EQTN: variants seen among roughly 807,000 people sequenced by gnomAD.
The protein encoded by EQTN is equatorin.
Under a neutral mutation model 26.9 loss-of-function variants are expected in EQTN, and 29 were observed. The ratio of observed to expected loss-of-function variants is 1.08; its 90% CI spans 0.80 to 1.47. The LOEUF is 1.47. Ranked by LOEUF, EQTN falls within the 40% of genes most tolerant of loss-of-function variation. The pLI is 0.00. For synonymous variants in EQTN, 129 were observed against 120.0 expected, an observed-to-expected ratio of 1.07 and a Z score of -0.49; for missense variants, 391 against 346.1, an observed-to-expected ratio of 1.13 and a Z score of -1.03.
chr9:27,289,180 G>C (rs1253703248), intron 6 of EQTN, among the ~76,000 whole-genome samples: 1 of 152,114 alleles, frequency 6.6e-6, no homozygotes, highest in Non-Finnish European at 1.5e-5. Flanking sequence ...TTTGAAAAAA[G>C]ACTGCATTCT....
At position 27,284,728 on chromosome 9, in the gene EQTN, G is replaced by A. The variant is rs1451407053; in HGVS notation, c.880C>T (p.Arg294Trp). Residue 294 changes from arginine to tryptophan, a missense_variant, in exon 8 of 8, where the codon CGG becomes TGG. Arg to Trp is a moderately radical substitution (Grantham distance 101). Transcript: ENST00000380032. The part of the protein sequence containing the change: ...EMHENDESVT[R>W] The stretch of plus-strand genomic sequence containing the variant: ...CACCGGGTTCCTTGATTTCTTCACC[G>A]GGTAACCGACTCATCGTTTTCATGC... 2 of 1,610,538 alleles carry A rather than the reference G, an allele frequency of 1.2e-6. No individual in the cohort carries two copies. The highest frequency in any genetic ancestry group is 1.7e-6 in the Non-Finnish European group (2 of 1,178,186).
rs145877779 is a variant in EQTN at position 27,290,781 on chromosome 9, A to G, written c.421+238T>C. 2.3e-3 allele frequency among the ~76,000 whole-genome samples: 358 copies of G among 152,370 alleles called. 3 individuals carry two copies. The highest frequency in any genetic ancestry group is 8.1e-3 in the African/African-American group (337 of 41,588). The stretch of plus-strand genomic sequence containing the variant: ...TCTTATTGAAAAATTTTAACCATAA[A>G]TAAATTGAATAACATTTAACATTTG... On this transcript the variant is annotated intron_variant, in intron 5 of 7. Coordinates refer to ENST00000380032, the MANE Select transcript of EQTN (RefSeq NM_020641.3).
At chr9:27,289,504 G>A (rs1233721178) in intron 6 of EQTN, among the ~76,000 whole-genome samples, 168 bp downstream of exon 6, 1 of 152,108 alleles carries the variant, frequency 6.6e-6, no homozygotes, top group East Asian at 1.9e-4. Context: ...ACATGCCACC[G>A]TGCCCACCTA....
Position 27,284,806 on chromosome 9 carries a change from A to G in EQTN, c.802T>C (p.Ser268Pro). The change falls in exon 8 of 8, where the codon TCA (serine) becomes CCA (proline). Residue 268 changes from serine to proline, a missense_variant. Transcript: ENST00000380032. ...ATATCCGTCATTATCTTAGATTCTG[A>G]TGTTCTTGTGCCTGATCTTCTCATA... ...SDMRRSGTRT[S>P]ESKIMTDIIS... The G allele has an allele frequency of 1.2e-6, 2 of 1,614,042 alleles. No homozygotes were observed. Among genetic ancestry groups the G allele is most frequent in the African/African-American group, 1.3e-5 (1 of 75,010 alleles).
intron 5 of EQTN, among the ~76,000 whole-genome samples, chr9:27,290,669 T>G (rs1820216080): frequency 6.6e-6 from 1 of 152,232 alleles, no homozygotes; most frequent in African/African-American, 2.4e-5. Flanking sequence ...TGCATATATT[T>G]TGGTATACAC....
At position 27,292,454 on chromosome 9, in the gene EQTN, G is replaced by T; in HGVS notation, c.323C>A (p.Ser108Tyr). 3.1e-6 allele frequency: 5 copies of T among 1,608,498 alleles called. No individual in the cohort carries two copies. The highest frequency in any genetic ancestry group is 4.2e-6 in the Non-Finnish European group (5 of 1,177,324). Reference sequence around the variant, plus strand: ...AGTAGTTGTTTCTTCTTCAATGGTGGATTTTTCATATGTAGTTGCATTGAC... The same window carrying T: ...AGTAGTTGTTTCTTCTTCAATGGTGTATTTTTCATATGTAGTTGCATTGAC... ...KTVNATTYEKSTIEEETTTSE... is the reference protein window; with the variant it reads ...KTVNATTYEKYTIEEETTTSE... Residue 108 changes from serine to tyrosine, a missense_variant, in exon 4 of 8, where the codon TCC becomes TAC. Ser to Tyr is a moderately radical substitution (Grantham distance 144). Transcript: ENST00000380032.
intron 6 of EQTN, among the ~76,000 whole-genome samples, chr9:27,288,745 A>C (rs1820168829): frequency 1.3e-5 from 2 of 152,334 alleles, no homozygotes; most frequent in South Asian, 4.1e-4. Flanking sequence ...GAGTGAAAGA[A>C]GCTAGTCTGA....
intron 1 of EQTN, 24 bp downstream of exon 1, chr9:27,296,955 AT>A: frequency 4.4e-6 from 7 of 1,606,534 alleles, no homozygotes; most frequent in Non-Finnish European, 5.9e-6. Flanking sequence ...TACTATTTTT[AT>A]AAAAGTTTTA....
intron 3 of EQTN, 99 bp downstream of exon 3, chr9:27,294,217 G>C (rs41272859): frequency 0.022 from 16,352 of 734,708 alleles, 255 homozygotes; most frequent in Non-Finnish European, 0.029. Context: ...GTCTTATTTA[G>C]GAACGAAGAC....
intron 4 of EQTN, among the ~76,000 whole-genome samples, chr9:27,291,508 A>G (rs1421968192): frequency 6.6e-6 from 1 of 152,180 alleles, no homozygotes; most frequent in Admixed American, 6.5e-5. Flanking sequence ...AAGCTCTGGG[A>G]GCTTCAGGTA....
chr9:27,293,326 T>C (rs1440596967), intron 3 of EQTN, among the ~76,000 whole-genome samples: 1 of 152,178 alleles, frequency 6.6e-6, no homozygotes, highest in African/African-American at 2.4e-5. Flanking sequence ...CCTTATCCTC[T>C]GGAGAAAAGC....
rs951039816 is a variant in EQTN, at chr9:27,294,393, G to A, written c.212C>T (p.Thr71Ile). 3.1e-6 allele frequency: 5 copies of A among 1,594,886 alleles called. No homozygotes were observed. Among genetic ancestry groups the A allele is most frequent in the Non-Finnish European group, 4.3e-6 (5 of 1,167,880 alleles). ...YYKDIKQYVF[T>I]TQNPNGTESE... ...CTCAGTGCCATTTGGATTTTGTGTTGTGAACACATCTAAAAACAAAAGCGA... is the reference window on the plus strand; with the variant it reads ...CTCAGTGCCATTTGGATTTTGTGTTATGAACACATCTAAAAACAAAAGCGA... Residue 71 changes from threonine to isoleucine, a missense_variant, in exon 3 of 8, where the codon ACA becomes ATA. Physicochemically the swap from Thr to Ile is moderately conservative, Grantham distance 89 (BLOSUM62 -1). Transcript: ENST00000380032.
At chr9:27,288,285 C>G (rs200413850) in intron 6 of EQTN, among the ~76,000 whole-genome samples, 1 of 151,938 alleles carries the variant, frequency 6.6e-6, no homozygotes, top group Non-Finnish European at 1.5e-5. Context: ...GGAGTTTTAC[C>G]TCTATTAGTA....
chr9:27,294,309 T>C lies in EQTN; in HGVS notation c.289+7A>G. 3 of 1,604,882 alleles carry C rather than the reference T, an allele frequency of 1.9e-6. No homozygotes were observed. The highest frequency in any genetic ancestry group is 2.6e-6 in the Non-Finnish European group (3 of 1,173,304). On this transcript the variant is annotated splice_region_variant and intron_variant, in intron 3 of 7. Transcript: ENST00000380032. ...TTACATGTGCAATGGTGCCTTTCAC[T>C]TCTTACCGTTTTTTAGAGCAAAATT... is the stretch of plus-strand genomic sequence containing the variant.
At chr9:27,285,292 C>T (rs1264557693) in intron 7 of EQTN, among the ~76,000 whole-genome samples, 5 of 151,672 alleles carry the variant, frequency 3.3e-5, no homozygotes, top group African/African-American at 1.2e-4. Flanking sequence ...TACAGGCATG[C>T]GCCACTATGC....
chr9:27,289,521 G>A (rs1820185433), intron 6 of EQTN, 151 bp downstream of exon 6: 3 of 520,850 alleles, frequency 5.8e-6, no homozygotes, highest in Non-Finnish European at 9.9e-6. Context: ...CCTAATTTTT[G>A]TATTTTTTGT....
At chr9:27,285,084 G>T in intron 7 of EQTN, 112 bp from the exon 8 acceptor site, 9 of 499,960 alleles carry the variant, frequency 1.8e-5, no homozygotes, top group Non-Finnish European at 2.5e-5. Context: ...CAAAGTGTTA[G>T]TTACTTAGTA....
At chr9:27,292,705 T>C (rs12337411) in intron 3 of EQTN, among the ~76,000 whole-genome samples, 23,771 of 152,072 alleles carry the variant, frequency 0.16, 1,938 homozygotes, top group Admixed American at 0.18. Flanking sequence ...TGAGGTGGGA[T>C]TAACATGACT....
Position 27,289,689 on chromosome 9 carries a change from A to T in EQTN, c.464T>A (p.Leu155Ter). 1 of 1,607,980 alleles carries T rather than the reference A, an allele frequency of 6.2e-7. No individual in the cohort carries two copies. The highest frequency in any genetic ancestry group is 8.5e-7 in the Non-Finnish European group (1 of 1,176,828). Residue 155 changes from leucine (L) to a stop codon, truncating the protein, a stop_gained, in exon 6 of 8, where the codon TTA becomes TAA. Transcript: ENST00000380032. LOFTEE classifies it high-confidence loss of function. ...TAVVMDDKDQ[L>*]FHPIPESDVN... ...GTTCTTACCTGGAATTGGGTGAAAT[A>T]ATTGATCTTTATCATCCATGACCAC... is the stretch of plus-strand genomic sequence containing the variant.
Sources: gnomAD v4.1 joint callset for allele counts (sites outside exome capture counted in the v4.1 genomes callset) on GRCh38, gnomAD v4.1.1 for gene constraint, MANE v1.5 for transcripts, NCBI Gene and HGNC (gene_info 2026-07-23, HGNC 2026-07-21) for gene names.